The following CSMD1 variants were observed in gnomAD, a reference collection of about 807,000 sequenced individuals.
CSMD1 encodes the protein CUB and Sushi multiple domains 1, also known as CUB and sushi domain-containing protein 1.
Under a neutral mutation model 417.5 loss-of-function variants are expected in CSMD1, and 213 were observed. The observed-to-expected ratio is 0.51, with a 90% CI of 0.46 to 0.57. The LOEUF (loss-of-function observed/expected upper bound fraction) is 0.57, where lower values mean the gene tolerates loss of function less well. Ranked by LOEUF, CSMD1 falls within the 20% of genes least tolerant of loss-of-function variation. CSMD1 has a pLI of 0.00. For missense variants in CSMD1, 6,923 were observed against 4,529.7 expected (o/e 1.53, Z -15.17); for synonymous variants, 2,862 against 1,736.8 (o/e 1.65, Z -16.11).
intron 5 of CSMD1, among the ~76,000 whole-genome samples, chr8:3,801,301 AT>A (rs1437036214): frequency 6.6e-6 from 1 of 152,204 alleles, no homozygotes; most frequent in Non-Finnish European, 1.5e-5. Context: ...TGGGAAAAAG[AT>A]TTAAATAGAC....
chr8:4,210,812 TATCAGTCTTGGAAAGA>T (rs1703402995), intron 3 of CSMD1, among the ~76,000 whole-genome samples: 2 of 152,182 alleles, frequency 1.3e-5, no homozygotes, highest in South Asian at 4.1e-4. Context: ...GTCTCAAGAC[TATCAGTCTTGGAAAGA>T]ATCATGTATC....
intron 1 of CSMD1, among the ~76,000 whole-genome samples, chr8:4,765,271 A>T (rs1477963250): frequency 6.6e-6 from 1 of 152,312 alleles, no homozygotes; most frequent in East Asian, 1.9e-4. Context: ...TGCCACACAA[A>T]GAGTTTAGCT....
intron 3 of CSMD1, among the ~76,000 whole-genome samples, chr8:4,143,107 G>C (rs970743991): frequency 6.9e-6 from 1 of 144,140 alleles, no homozygotes; most frequent in African/African-American, 2.7e-5. Flanking sequence ...CTATTAACTT[G>C]GGAAACTATG....
intron 1 of CSMD1, among the ~76,000 whole-genome samples, chr8:4,938,771 C>T (rs560050689): frequency 6.6e-6 from 1 of 152,132 alleles, no homozygotes; most frequent in African/African-American, 2.4e-5. Flanking sequence ...GCCTGTGGGT[C>T]AAGAAGTGCA....
At chr8:3,371,824 C>A (rs1353293368) in intron 18 of CSMD1, among the ~76,000 whole-genome samples, 1 of 152,160 alleles carries the variant, frequency 6.6e-6, no homozygotes, top group Non-Finnish European at 1.5e-5. Flanking sequence ...TTAAGAATTT[C>A]TCATGGAATT....
At chr8:3,901,396 C>A (rs562890285) in intron 5 of CSMD1, among the ~76,000 whole-genome samples, 2 of 152,284 alleles carry the variant, frequency 1.3e-5, no homozygotes, top group South Asian at 4.2e-4. Context: ...TTTCAGTAAA[C>A]CTTCATCTTC....
intron 12 of CSMD1, among the ~76,000 whole-genome samples, chr8:3,411,972 A>ATATATACACGTATGTATACGTG (rs1812793325): frequency 5.7e-4 from 3 of 5,306 alleles, no homozygotes; most frequent in Admixed American, 2.7e-3. Context: ...ATATGCACGT[A>ATATATACACGTATGTATACGTG]TATATACACG....
At chr8:3,728,291 C>G (rs368342813) in intron 6 of CSMD1, among the ~76,000 whole-genome samples, 2 of 152,266 alleles carry the variant, frequency 1.3e-5, no homozygotes, top group African/African-American at 4.8e-5. Context: ...CATCCCTTTG[C>G]TCTTCCTTCA....
At chr8:3,809,346 T>A (rs1429760871) in intron 5 of CSMD1, among the ~76,000 whole-genome samples, 1 of 152,220 alleles carries the variant, frequency 6.6e-6, no homozygotes, top group Non-Finnish European at 1.5e-5. Context: ...AATATTTGTT[T>A]ACGCACTTGT....
At chr8:4,325,555 T>TAC (rs975553542) in intron 3 of CSMD1, among the ~76,000 whole-genome samples, 4 of 152,212 alleles carry the variant, frequency 2.6e-5, no homozygotes, top group African/African-American at 9.6e-5. Context: ...AAAGCATGCC[T>TAC]ACCTTGTTAG....
rs541991024 is a variant in CSMD1 at position 4,804,693 on chromosome 8, T to C, written c.86-167135A>G. On this transcript the variant is annotated intron_variant, in intron 1 of 69. Coordinates refer to ENST00000635120, the MANE Select transcript of CSMD1 (RefSeq NM_033225.6). Reference sequence around the variant, plus strand: ...TAGTGATCAAAATATAAAACCAATATTATGTTCATACATTATATCCTTATG... The same window carrying C: ...TAGTGATCAAAATATAAAACCAATACTATGTTCATACATTATATCCTTATG... Among the ~76,000 whole-genome samples, 7 of 152,284 alleles carry C rather than the reference T, an allele frequency of 4.6e-5. No homozygotes were observed. In the South Asian group the frequency reaches 1.2e-3, roughly 27 times the overall value.
At chr8:3,942,922 T>C (rs541342963) in intron 5 of CSMD1, among the ~76,000 whole-genome samples, 1 of 152,274 alleles carries the variant, frequency 6.6e-6, no homozygotes, top group East Asian at 1.9e-4. Context: ...TGTCTTTTAA[T>C]TTAAAAAATA....
intron 1 of CSMD1, among the ~76,000 whole-genome samples, chr8:4,892,519 C>T (rs1426872374): frequency 1.3e-5 from 2 of 152,016 alleles, no homozygotes; most frequent in Non-Finnish European, 2.9e-5. Context: ...GACACCTGGG[C>T]TAATAAGGGT....
chr8:3,737,401 C>G (rs1039939122), intron 6 of CSMD1, among the ~76,000 whole-genome samples: 1 of 152,158 alleles, frequency 6.6e-6, no homozygotes, highest in Non-Finnish European at 1.5e-5. Flanking sequence ...TTCTATAATG[C>G]TTTTACTGAT....
chr8:3,770,677 C>G (rs1327978784), intron 5 of CSMD1, among the ~76,000 whole-genome samples: 1 of 152,110 alleles, frequency 6.6e-6, no homozygotes, highest in African/African-American at 2.4e-5. Flanking sequence ...TGACTGTCGC[C>G]CCAACACCTT....
intron 5 of CSMD1, among the ~76,000 whole-genome samples, chr8:3,877,649 T>A (rs1052426356): frequency 1.3e-5 from 2 of 150,642 alleles, no homozygotes; most frequent in Admixed American, 6.6e-5. Context: ...CAGTAGAATG[T>A]CTATTTTCCC....
At chr8:4,116,061 C>A (rs985424161) in intron 3 of CSMD1, among the ~76,000 whole-genome samples, 2 of 151,628 alleles carry the variant, frequency 1.3e-5, no homozygotes, top group Non-Finnish European at 2.9e-5. Context: ...ATTGTAGTGG[C>A]AATCTTGGCT....
rs370992341 is a variant in CSMD1, at chr8:4,788,214, G to A, written c.86-150656C>T. 1.1e-5 allele frequency: 18 copies of A among 1,587,468 alleles called. No individual in the cohort carries two copies. In the Middle Eastern group the frequency reaches 5.7e-4, roughly 50 times the overall value. ...TCCATGTGAACTTTGAGTAACATCT[G>A]CGCATAAAGGACCAGATGAAACTCT... On this transcript the variant is annotated intron_variant, in intron 1 of 69. Coordinates refer to ENST00000635120, the MANE Select transcript of CSMD1 (RefSeq NM_033225.6).
In CSMD1 at chr8:4,955,929, C is replaced by T. The variant is rs1447414208; in HGVS notation, c.85+38403G>A. Among the ~76,000 whole-genome samples, 6 of 152,240 alleles carry T rather than the reference C, an allele frequency of 3.9e-5. No individual in the cohort carries two copies. In the South Asian group the frequency reaches 8.3e-4, roughly 21 times the overall value. On this transcript the variant is annotated intron_variant, in intron 1 of 69. Coordinates refer to ENST00000635120, the MANE Select transcript of CSMD1 (RefSeq NM_033225.6). ...AATTATATTTAAAAAGCCATCCAGG[C>T]GATTCAGATGAATGGCTGAGTTTGA...
Sources: allele counts gnomAD v4.1 joint callset (sites outside exome capture counted in the v4.1 genomes callset), GRCh38; gene constraint gnomAD v4.1.1; transcripts MANE v1.5; gene names NCBI Gene and HGNC (gene_info 2026-07-23, HGNC 2026-07-21).